NDUFAF7: variants seen among roughly 807,000 people sequenced by gnomAD.
The protein encoded by NDUFAF7 is NADH:ubiquinone oxidoreductase complex assembly factor 7.
Under a neutral mutation model 47.2 loss-of-function variants are expected in NDUFAF7, and 48 were observed. That is an observed-to-expected ratio of 1.02 (90% CI 0.81 to 1.29). The LOEUF is 1.29. Among genes scored for constraint, NDUFAF7 ranks in the 50% most tolerant of loss-of-function variants. The pLI is 0.00. For missense variants in NDUFAF7, 635 were observed against 537.6 expected (o/e 1.18, Z -1.79); for synonymous variants, 217 against 190.0 (o/e 1.14, Z -1.17).
At chr2:37,233,485 G>A (rs1014115583) in intron 2 of NDUFAF7, among the ~76,000 whole-genome samples, 6 of 152,088 alleles carry the variant, frequency 3.9e-5, no homozygotes, top group African/African-American at 2.4e-5. Context: ...AAAATTAGCC[G>A]GGCGTGGTGG....
At chr2:37,249,475 G>A (rs984085338), downstream of NDUFAF7, among the ~76,000 whole-genome samples, 7 of 151,798 alleles carry the variant, frequency 4.6e-5, no homozygotes, top group Non-Finnish European at 8.8e-5. Flanking sequence ...TACTCACGAG[G>A]CTGAGGTAGG....
the NDUFAF7 span, among the ~76,000 whole-genome samples, chr2:37,263,134 A>T: frequency 6.6e-6 from 1 of 151,868 alleles, no homozygotes; most frequent in African/African-American, 2.4e-5. Flanking sequence ...TTCTTAATTC[A>T]CTTATTTTCA....
downstream of NDUFAF7, chr2:37,251,149 G>C (rs1248564956): frequency 6.6e-6 from 1 of 152,414 alleles, no homozygotes; most frequent in Non-Finnish European, 1.5e-5. Context: ...AACAGACTTT[G>C]GTGAAACTGG....
chr2:37,267,594 T>C, the NDUFAF7 span: 3 of 1,238,968 alleles, frequency 2.4e-6, no homozygotes, highest in Non-Finnish European at 3.5e-6. Flanking sequence ...TATTAGGGAG[T>C]TGTCCACAGA....
At chr2:37,259,527 T>C in the NDUFAF7 span, 1 of 1,357,820 alleles carries the variant, frequency 7.4e-7, no homozygotes, top group Non-Finnish European at 1.0e-6. Context: ...TTTTATTATG[T>C]GGGTGCTTTG....
At position 37,242,706 on chromosome 2, in the gene NDUFAF7, GA is replaced by G. The variant is rs754434604; in HGVS notation, c.681+19del. 83 of 1,571,650 alleles carry G rather than the reference GA, an allele frequency of 5.3e-5. 2 individuals carry two copies. Among genetic ancestry groups the G allele is most frequent in the African/African-American group, 5.0e-4 (37 of 73,942 alleles). ...GCATAAATTTCAGGTATTGAGGGGG[GA>G]AAAAAGTCATGTCTATAATTGAATA... On this transcript the variant is annotated intron_variant, in intron 6 of 9. Transcript: ENST00000002125.
chr2:37,254,361 A>C, downstream of NDUFAF7: 3 of 1,179,856 alleles, frequency 2.5e-6, no homozygotes. Flanking sequence ...ACTGCCTAGA[A>C]GGCAGTTCAA....
intron 4 of NDUFAF7, among the ~76,000 whole-genome samples, chr2:37,239,938 C>T (rs1256293859): frequency 4.6e-5 from 7 of 152,110 alleles, no homozygotes; most frequent in Admixed American, 4.6e-4. Context: ...AAGGTCATGT[C>T]CCATTTATGG....
the NDUFAF7 span, chr2:37,269,070 G>T: frequency 6.5e-6 from 1 of 154,454 alleles, no homozygotes; most frequent in South Asian, 2.0e-4. Context: ...CATATATTAA[G>T]TTTAATTAAT....
intron 4 of NDUFAF7, 61 bp from the exon 5 acceptor site, chr2:37,241,517 G>C (rs1008106745): frequency 7.5e-7 from 1 of 1,337,316 alleles, no homozygotes. Context: ...TGATGTAAAT[G>C]ATTAGGAAAC....
the NDUFAF7 span, among the ~76,000 whole-genome samples, chr2:37,270,396 C>T: frequency 6.7e-6 from 1 of 148,368 alleles, no homozygotes; most frequent in Non-Finnish European, 1.5e-5. Context: ...CTGGGATTAG[C>T]CTAACTTTGA....
downstream of NDUFAF7, chr2:37,254,108 T>A (rs1667744416): frequency 2.3e-6 from 2 of 872,674 alleles, no homozygotes; most frequent in African/African-American, 1.7e-5. Flanking sequence ...GCACTTTTAT[T>A]ATTCTGCTGA....
chr2:37,247,242 A>T (rs897520237), intron 8 of NDUFAF7: 17 of 600,814 alleles, frequency 2.8e-5, no homozygotes, highest in Non-Finnish European at 4.8e-5. Context: ...ATGGCTGTGT[A>T]GTAGTTTGTA....
In NDUFAF7 at chr2:37,241,709, T is replaced by C. The variant is rs2148419092; in HGVS notation, c.540T>C (p.Ala180=). The change falls in exon 5 of 10, where the codon GCT becomes GCC. Residue 180 remains alanine, a synonymous_variant. Coordinates refer to ENST00000002125, the MANE Select transcript of NDUFAF7 (RefSeq NM_144736.5). ...TKEKVPLERN[A]GSPVYMKGVT... is the part of the protein sequence containing the mutation. ...AGAAGGTCCCGTTAGAGCGAAATGC[T>C]GGATCCCCAGTGTATATGAAAGGTG... 6.2e-7 allele frequency: 1 copy of C among 1,614,106 alleles called. No homozygotes were observed. The highest frequency in any genetic ancestry group is 2.2e-5 in the East Asian group (1 of 44,858).
At chr2:37,270,489 C>T in the NDUFAF7 span, among the ~76,000 whole-genome samples, 4 of 152,090 alleles carry the variant, frequency 2.6e-5, no homozygotes, top group Non-Finnish European at 5.9e-5. Context: ...TCTTCGCCCC[C>T]TTCCCTTTTT....
At chr2:37,250,461 A>ATACTT (rs1224972102), downstream of NDUFAF7, 5 of 152,326 alleles carry the variant, frequency 3.3e-5, no homozygotes, top group East Asian at 3.8e-4. Flanking sequence ...TGAAAAAGTT[A>ATACTT]TACTTTACAA....
chr2:37,266,847 C>T, the NDUFAF7 span, among the ~76,000 whole-genome samples: 2 of 152,124 alleles, frequency 1.3e-5, no homozygotes, highest in African/African-American at 4.8e-5. Context: ...ATATAACGTA[C>T]ATTTGCATAT....
At chr2:37,238,832 A>G (rs756650699) in intron 4 of NDUFAF7, among the ~76,000 whole-genome samples, 10 of 151,772 alleles carry the variant, frequency 6.6e-5, no homozygotes, top group Non-Finnish European at 1.3e-4. Flanking sequence ...AAGACAGATA[A>G]CTTGAGAAAA....
At chr2:37,241,819 A>G in intron 5 of NDUFAF7, 28 bp downstream of exon 5, 1 of 1,596,130 alleles carries the variant, frequency 6.3e-7, no homozygotes. Flanking sequence ...GATTAATGAA[A>G]GAATTTTGAT....
Sources: gnomAD v4.1 joint callset for allele counts (sites outside exome capture counted in the v4.1 genomes callset) on GRCh38, gnomAD v4.1.1 for gene constraint, MANE v1.5 for transcripts, NCBI Gene and HGNC (gene_info 2026-07-23, HGNC 2026-07-21) for gene names.